The following UNC5B variants were observed in gnomAD, a reference collection of about 807,000 sequenced individuals.
The protein encoded by UNC5B is unc-5 netrin receptor B.
UNC5B carries 56 observed loss-of-function variants against 103.7 expected under a neutral mutation model. That is an observed-to-expected ratio of 0.54 (90% CI 0.44 to 0.67). UNC5B has a LOEUF of 0.67. UNC5B is among the 30% of genes least tolerant of loss of function. The probability of loss-of-function intolerance (pLI) is 0.00; values close to 1 mark genes in which losing one functional copy is unlikely to be tolerated. For synonymous variants in UNC5B, 577 were observed against 542.0 expected (o/e 1.06, Z -0.90); for missense variants, 1,194 against 1,284.5 (o/e 0.93, Z 1.08).
At chr10:71,225,846 C>CACAG (rs1353478552) in intron 1 of UNC5B, among the ~76,000 whole-genome samples, 2 of 152,076 alleles carry the variant, frequency 1.3e-5, no homozygotes, top group Non-Finnish European at 2.9e-5. Flanking sequence ...CACCGTGCCA[C>CACAG]ACAGACTTGA....
Position 71,292,509 on chromosome 10 carries a change from A to G in UNC5B, c.1727A>G (p.Lys576Arg), listed in dbSNP as rs1160936208. The part of the protein sequence containing the change: ...LVPNGAIPQG[K>R]FYEMYLLINK... ...CCCAATGGAGCCATTCCCCAGGGCA[A>G]GTTCTACGAGATGTATCTACTCATC... Residue 576 changes from lysine (K) to arginine (R), a missense_variant, in exon 11 of 17, where the codon AAG becomes AGG. Coordinates refer to ENST00000335350, the MANE Select transcript of UNC5B (RefSeq NM_170744.5). 1.2e-6 allele frequency: 2 copies of G among 1,606,076 alleles called. No individual in the cohort carries two copies. The highest frequency in any genetic ancestry group is 2.7e-5 in the African/African-American group (2 of 74,820).
At chr10:71,215,621 G>C (rs568348778) in intron 1 of UNC5B, among the ~76,000 whole-genome samples, 1 of 152,080 alleles carries the variant, frequency 6.6e-6, no homozygotes, top group South Asian at 2.1e-4. Flanking sequence ...GCCAGAAAAG[G>C]CCACTTCAAA....
At position 71,212,686 on chromosome 10, in the gene UNC5B, G is replaced by T; in HGVS notation, c.-300G>T. ...GCGCCGCCGCTGCGAGCGCCACTGA[G>T]CGGTCGCGCAACTTCGGAGGCACAG... is the stretch of plus-strand genomic sequence containing the variant. On this transcript the variant is annotated 5_prime_UTR_variant, in exon 1 of 17. Coordinates refer to ENST00000335350, the MANE Select transcript of UNC5B (RefSeq NM_170744.5). The T allele has an allele frequency of 3.7e-6, 1 of 271,956 alleles. No homozygotes were observed. The allele number at this position is 271,956 out of a possible 1,614,324, so 16.8% of individuals were successfully genotyped here. A position where few individuals can be genotyped will look rare whatever the true frequency, so the allele number is the denominator to read the frequency against.
In UNC5B at chr10:71,301,735, G is replaced by A. The variant is rs1371775826; in HGVS notation, c.*2458G>A. 2.0e-5 allele frequency: 3 copies of A among 152,242 alleles called. No homozygotes were observed. Among genetic ancestry groups the A allele is most frequent in the African/African-American group, 7.2e-5 (3 of 41,440 alleles). The allele number at this position is 152,242 out of a possible 1,614,324, so 9.4% of individuals were successfully genotyped here. A position where few individuals can be genotyped will look rare whatever the true frequency, so the allele number is the denominator to read the frequency against. ...CAAATCTGCCATTAAACTGCTGTGC[G>A]ACTTCAGGCATATCACTGCCTTCTC... On this transcript the variant is annotated 3_prime_UTR_variant, in exon 17 of 17. Transcript: ENST00000335350.
intron 1 of UNC5B, among the ~76,000 whole-genome samples, chr10:71,249,740 G>A (rs1288338903): frequency 1.3e-5 from 2 of 152,180 alleles, no homozygotes; most frequent in African/African-American, 4.8e-5. Flanking sequence ...TGATTGGTGG[G>A]GTAGTCCATT....
At position 71,299,398 on chromosome 10, in the gene UNC5B, C is replaced by G. The variant is rs1814914720; in HGVS notation, c.*121C>G. The G allele has an allele frequency of 8.2e-7, 1 of 1,217,346 alleles. No individual in the cohort carries two copies. The highest frequency in any genetic ancestry group is 1.5e-5 in the African/African-American group (1 of 66,464). 75.4% of individuals were successfully genotyped at this position (1,217,346 alleles called of 1,614,324 possible). ...TCCCAGTTCACAGCCAGAGTTGCCT[C>G]TCCTCCTCCTCTTCCCCAACCCCCA... On this transcript the variant is annotated 3_prime_UTR_variant, in exon 17 of 17. Coordinates refer to ENST00000335350, the MANE Select transcript of UNC5B (RefSeq NM_170744.5).
At chr10:71,291,859 A>G (rs1274585073) in intron 10 of UNC5B, 38 bp downstream of exon 10, 1 of 1,554,584 alleles carries the variant, frequency 6.4e-7, no homozygotes, top group Non-Finnish European at 8.6e-7. Context: ...GCCTGGCCTT[A>G]GCACCTCCTC....
At chr10:71,220,546 G>A (rs920343616) in intron 1 of UNC5B, among the ~76,000 whole-genome samples, 5 of 152,122 alleles carry the variant, frequency 3.3e-5, no homozygotes, top group East Asian at 1.9e-4. Context: ...AGGTTAACAC[G>A]GCCTCCCAGC....
chr10:71,298,226 C>A, intron 16 of UNC5B, 136 bp downstream of exon 16: 1 of 977,834 alleles, frequency 1.0e-6, no homozygotes, highest in Non-Finnish European at 1.5e-6. Context: ...TGTGGCAAAT[C>A]AGCAACTCAG....
chr10:71,287,780 C>T lies in UNC5B; in HGVS notation c.901+15C>T, dbSNP rs1388404058. On this transcript the variant is annotated intron_variant, in intron 6 of 16. Coordinates refer to ENST00000335350, the MANE Select transcript of UNC5B (RefSeq NM_170744.5). ...CATCTGCCCAGGTAAGGAGCCTTGT[C>T]CATGTCCAGCCCCACCCCGAACCCT... is the stretch of plus-strand genomic sequence containing the variant. 1 of 1,607,380 alleles carries T rather than the reference C, an allele frequency of 6.2e-7. No individual in the cohort carries two copies. Among genetic ancestry groups the T allele is most frequent in the South Asian group, 1.1e-5 (1 of 90,100 alleles).
intron 13 of UNC5B, among the ~76,000 whole-genome samples, chr10:71,295,215 T>A (rs1344168792): frequency 6.6e-6 from 1 of 152,208 alleles, no homozygotes; most frequent in East Asian, 1.9e-4. Context: ...TGGGAAGTGC[T>A]CCTGCAGCTG....
chr10:71,214,543 G>A (rs550563432), intron 1 of UNC5B, among the ~76,000 whole-genome samples: 1 of 152,264 alleles, frequency 6.6e-6, no homozygotes, highest in African/African-American at 2.4e-5. Flanking sequence ...GGAGGTGCTT[G>A]GTTGGGGTGC....
chr10:71,295,780 G>A, intron 13 of UNC5B, 31 bp from the exon 14 acceptor site: 1 of 1,603,544 alleles, frequency 6.2e-7, no homozygotes. Context: ...AGGTGTGATG[G>A]GTTCCCCTTC....
intron 11 of UNC5B, 103 bp from the exon 12 acceptor site, chr10:71,293,302 G>GC: frequency 7.4e-7 from 1 of 1,358,392 alleles, no homozygotes; most frequent in Non-Finnish European, 1.0e-6. Flanking sequence ...GCAAAGAGCT[G>GC]CCCTCCACCT....
rs750555242 is a variant in UNC5B at position 71,286,882 on chromosome 10, C to T, written c.733+13C>T. 1.6e-5 allele frequency: 26 copies of T among 1,610,490 alleles called. No individual in the cohort carries two copies. The highest frequency in any genetic ancestry group is 1.6e-4 in the Middle Eastern group (1 of 6,072). Reference sequence around the variant, plus strand: ...GTCATCGTCTACGGTGCGGGCCTTTCGGAGTGGGAGGGGCAGACACGGCCA... The same window carrying T: ...GTCATCGTCTACGGTGCGGGCCTTTTGGAGTGGGAGGGGCAGACACGGCCA... On this transcript the variant is annotated intron_variant, in intron 5 of 16. Transcript: ENST00000335350.
intron 1 of UNC5B, among the ~76,000 whole-genome samples, chr10:71,254,758 C>T (rs1468611131): frequency 1.3e-5 from 2 of 152,222 alleles, no homozygotes; most frequent in Non-Finnish European, 2.9e-5. Flanking sequence ...CAGCTGTGCA[C>T]GTGGTGAGCC....
At chr10:71,276,735 A>G (rs1270996311) in intron 1 of UNC5B, among the ~76,000 whole-genome samples, 1 of 151,998 alleles carries the variant, frequency 6.6e-6, no homozygotes, top group Non-Finnish European at 1.5e-5. Context: ...CGCCCGGCCT[A>G]CTCCCTTACT....
chr10:71,248,397 CG>C (rs1844089494), intron 1 of UNC5B, among the ~76,000 whole-genome samples: 1 of 149,586 alleles, frequency 6.7e-6, no homozygotes, highest in Non-Finnish European at 1.5e-5. Flanking sequence ...AATGAGCTAG[CG>C]GGAGGCAGGG....
At chr10:71,227,205 G>C (rs1006319437) in intron 1 of UNC5B, among the ~76,000 whole-genome samples, 3 of 152,002 alleles carry the variant, frequency 2.0e-5, no homozygotes, top group African/African-American at 7.3e-5. Context: ...GGCTGGTCTC[G>C]AACTCCTGAC....
Sources: gnomAD v4.1 joint callset for allele counts (sites outside exome capture counted in the v4.1 genomes callset) on GRCh38, gnomAD v4.1.1 for gene constraint, MANE v1.5 for transcripts, NCBI Gene and HGNC (gene_info 2026-07-23, HGNC 2026-07-21) for gene names.